CBLB: variants seen among roughly 807,000 people sequenced by gnomAD.
The protein encoded by CBLB is Cbl proto-oncogene B, also known as E3 ubiquitin-protein ligase CBL-B.
Under a neutral mutation model 104.9 loss-of-function variants are expected in CBLB, and 31 were observed. The ratio of observed to expected loss-of-function variants is 0.30; its 90% confidence interval spans 0.22 to 0.40. The LOEUF (loss-of-function observed/expected upper bound fraction) is 0.40, where lower values mean the gene tolerates loss of function less well. Ranked by LOEUF, CBLB falls within the 10% of genes least tolerant of loss-of-function variation. The pLI is 1.00. For missense variants in CBLB, 1,062 were observed against 1,214.6 expected (o/e 0.87, Z 1.87); for synonymous variants, 440 against 422.6 (o/e 1.04, Z -0.51).
At position 105,805,609 on chromosome 3, in the gene CBLB, G is replaced by T. The variant is rs189236993; in HGVS notation, c.420-29067C>A. On this transcript the variant is annotated intron_variant, in intron 3 of 18. Transcript: ENST00000394030. ...GCATGAGCCACCCCACCCAGCCGAT[G>T]ACTCAAATTCTTATACTACTATATT... is the stretch of plus-strand genomic sequence containing the variant. Among the ~76,000 whole-genome samples the T allele has an allele frequency of 6.7e-3, 1,018 of 152,120 alleles. 3 individuals carry two copies. The highest frequency in any genetic ancestry group is 0.011 in the Non-Finnish European group (718 of 67,948).
intron 9 of CBLB, among the ~76,000 whole-genome samples, chr3:105,731,967 T>C (rs559695450): frequency 6.6e-6 from 1 of 152,324 alleles, no homozygotes; most frequent in East Asian, 1.9e-4. Context: ...AAGCCCTGCA[T>C]GGAGGCAGAG....
At chr3:105,828,473 T>C (rs151210831) in intron 3 of CBLB, among the ~76,000 whole-genome samples, 1,848 of 152,316 alleles carry the variant, frequency 0.012, 13 homozygotes, top group Middle Eastern at 0.027. Context: ...AGAATAAGAT[T>C]TTTAATTTTT....
chr3:105,659,226 C>T lies in CBLB; in HGVS notation c.2693G>A (p.Gly898Asp), dbSNP rs781629333. The change falls in exon 19 of 19, where the codon GGT becomes GAT. Residue 898 changes from glycine (G) to aspartate (D), a missense_variant. Gly to Asp is a moderately conservative substitution (Grantham distance 94, BLOSUM62 -1). Transcript: ENST00000394030. ...DYDQLPSCSD[G>D]SQAPARPPKP... ...AGGGGGTCTGGCTGGTGCCTGTGAACCATCTGTGTAGATTTTTAAAGAGAG... is the reference window on the plus strand; with the variant it reads ...AGGGGGTCTGGCTGGTGCCTGTGAATCATCTGTGTAGATTTTTAAAGAGAG... 2 of 1,613,618 alleles carry T rather than the reference C, an allele frequency of 1.2e-6. No individual in the cohort carries two copies. Among genetic ancestry groups the T allele is most frequent in the African/African-American group, 2.7e-5 (2 of 74,844 alleles).
At chr3:105,801,519 C>CTGAACAAT (rs1415120924) in intron 3 of CBLB, among the ~76,000 whole-genome samples, 1 of 152,164 alleles carries the variant, frequency 6.6e-6, no homozygotes, top group Non-Finnish European at 1.5e-5. Flanking sequence ...TAAGACAGGT[C>CTGAACAAT]TGAACAATTT....
chr3:105,785,238 T>C (rs958969238), intron 3 of CBLB, among the ~76,000 whole-genome samples: 3 of 152,230 alleles, frequency 2.0e-5, no homozygotes, highest in Admixed American at 1.3e-4. Context: ...CTATAAGGAA[T>C]AATTTGCTGA....
At chr3:105,771,144 C>T (rs972829969) in intron 4 of CBLB, among the ~76,000 whole-genome samples, 1 of 152,164 alleles carries the variant, frequency 6.6e-6, no homozygotes, top group Admixed American at 6.5e-5. Flanking sequence ...CAAAAATCCT[C>T]AACAAAATAC....
At chr3:105,851,026 G>C (rs541885722) in intron 3 of CBLB, among the ~76,000 whole-genome samples, 2 of 152,022 alleles carry the variant, frequency 1.3e-5, no homozygotes, top group South Asian at 2.1e-4. Flanking sequence ...AATCTTGCTA[G>C]GTATTTTACC....
At chr3:105,799,163 A>G (rs931306041) in intron 3 of CBLB, among the ~76,000 whole-genome samples, 4 of 149,924 alleles carry the variant, frequency 2.7e-5, no homozygotes, top group Admixed American at 6.7e-5. Flanking sequence ...CACATGGTAA[A>G]TAATGACAAA....
At chr3:105,767,302 T>C (rs959399584) in intron 4 of CBLB, among the ~76,000 whole-genome samples, 10 of 152,096 alleles carry the variant, frequency 6.6e-5, no homozygotes, top group Admixed American at 4.6e-4. Context: ...AGCTAGTTAA[T>C]ATGCTAGAAG....
intron 3 of CBLB, among the ~76,000 whole-genome samples, chr3:105,789,887 C>T (rs970552925): frequency 6.6e-6 from 1 of 152,120 alleles, no homozygotes; most frequent in Non-Finnish European, 1.5e-5. Flanking sequence ...AAGATACATA[C>T]TGATTTTTTT....
At chr3:105,859,747 T>C (rs1429681889) in intron 2 of CBLB, among the ~76,000 whole-genome samples, 1 of 151,624 alleles carries the variant, frequency 6.6e-6, no homozygotes, top group African/African-American at 2.4e-5. Context: ...CTAAAGTATA[T>C]ATATATCTCT....
At chr3:105,796,989 G>A (rs939222848) in intron 3 of CBLB, among the ~76,000 whole-genome samples, 1 of 152,158 alleles carries the variant, frequency 6.6e-6, no homozygotes, top group African/African-American at 2.4e-5. Context: ...ACTGCTGGTA[G>A]GAGTGTAAAT....
At position 105,678,083 on chromosome 3, in the gene CBLB, G is replaced by A. The variant is rs190273737; in HGVS notation, c.2569+348C>T. ...ATTAAAAAACATTGCATTGGGAATC[G>A]GAAGACAAAGTCTAAATATTGTTCC... is the stretch of plus-strand genomic sequence containing the variant. On this transcript the variant is annotated intron_variant, in intron 17 of 18. Transcript: ENST00000394030. 5.9e-5 allele frequency among the ~76,000 whole-genome samples: 9 copies of A among 152,088 alleles called. No homozygotes were observed. In the South Asian group the frequency reaches 6.2e-4, roughly 11 times the overall value.
In CBLB at chr3:105,868,824, T is replaced by C. The variant is rs1051388101; in HGVS notation, c.-103A>G. 1 of 995,686 alleles carries C rather than the reference T, an allele frequency of 1.0e-6. No homozygotes were observed. Among genetic ancestry groups the C allele is most frequent in the African/African-American group, 1.7e-5 (1 of 57,280 alleles). The allele number at this position is 995,686 out of a possible 1,614,324, so 61.7% of individuals were successfully genotyped here. ...CCCAGTGTGTGTGGGGAGCCCCGGC[T>C]GGGAGTGGGATCGCTGAGAACAGCT... On this transcript the variant is annotated 5_prime_UTR_variant, in exon 1 of 19. Coordinates refer to ENST00000394030, the MANE Select transcript of CBLB (RefSeq NM_170662.5).
chr3:105,720,348 A>C, intron 9 of CBLB, 98 bp from the exon 10 acceptor site: 4 of 1,188,890 alleles, frequency 3.4e-6, no homozygotes, highest in Non-Finnish European at 4.8e-6. Context: ...ACACCCCCAA[A>C]AAGACTTTTT....
Position 105,693,504 on chromosome 3 carries a change from G to GTGGTATAAAGTGAGGGTGGTATAAAGT in CBLB, c.2043_2044insACTTTATACCACCCTCACTTTATACCA (p.Leu681_Pro682insThrLeuTyrHisProHisPheIlePro). 6.2e-7 allele frequency: 1 copy of GTGGTATAAAGTGAGGGTGGTATAAAGT among 1,606,218 alleles called. No homozygotes were observed. The highest frequency in any genetic ancestry group is 1.1e-5 in the South Asian group (1 of 90,902). On this transcript the variant is annotated inframe_insertion, in exon 13 of 19. Coordinates refer to ENST00000394030, the MANE Select transcript of CBLB (RefSeq NM_170662.5). ...TTCAACAAAACTCACTTTATGCTAGGGAGGAGGGTGGTAACTGGAGGAGGA... is the reference window on the plus strand; with the variant it reads ...TTCAACAAAACTCACTTTATGCTAGGTGGTATAAAGTGAGGGTGGTATAAAGTGAGGAGGGTGGTAACTGGAGGAGGA...
chr3:105,751,228 G>GC (rs1359033570), intron 5 of CBLB, among the ~76,000 whole-genome samples: 4 of 152,188 alleles, frequency 2.6e-5, no homozygotes, highest in African/African-American at 9.6e-5. Flanking sequence ...CTAACAAGCA[G>GC]CCACCAGGCT....
chr3:105,852,955 G>A (rs2091148407), intron 3 of CBLB, among the ~76,000 whole-genome samples: 1 of 152,128 alleles, frequency 6.6e-6, no homozygotes, highest in South Asian at 2.1e-4. Flanking sequence ...GACCTCAAGT[G>A]ATCCGCCCAC....
chr3:105,792,858 G>A (rs543048204), intron 3 of CBLB, among the ~76,000 whole-genome samples: 5 of 151,852 alleles, frequency 3.3e-5, no homozygotes, highest in Non-Finnish European at 5.9e-5. Flanking sequence ...TCCATCTGCG[G>A]TGTCTAGTTC....
Sources: allele counts gnomAD v4.1 joint callset (sites outside exome capture counted in the v4.1 genomes callset), GRCh38; gene constraint gnomAD v4.1.1; transcripts MANE v1.5; gene names NCBI Gene and HGNC (gene_info 2026-07-23, HGNC 2026-07-21).